Variants in FNDC3B observed in about 807,000 individuals in gnomAD.
FNDC3B encodes the protein fibronectin type III domain-containing protein 3B.
FNDC3B carries 12 observed loss-of-function variants against 151.5 expected under a neutral mutation model. That is an observed-to-expected ratio of 0.08 (90% CI 0.05 to 0.13). FNDC3B has a LOEUF of 0.13. FNDC3B is among the 10% of genes least tolerant of loss of function. FNDC3B has a pLI of 1.00. For synonymous variants in FNDC3B, 528 were observed against 549.0 expected, an observed-to-expected ratio of 0.96 and a Z score of 0.54; for missense variants, 1,214 against 1,505.3, an observed-to-expected ratio of 0.81 and a Z score of 3.20.
intron 1 of FNDC3B, among the ~76,000 whole-genome samples, chr3:172,103,542 A>T (rs1322588080): frequency 3.3e-5 from 5 of 152,078 alleles, no homozygotes; most frequent in Non-Finnish European, 5.9e-5. Context: ...GCATCTATGG[A>T]TTCTTGAAGG....
chr3:172,197,745 C>T (rs1040034675), intron 3 of FNDC3B, among the ~76,000 whole-genome samples: 1 of 152,162 alleles, frequency 6.6e-6, no homozygotes, highest in Admixed American at 6.5e-5. Flanking sequence ...ATGATTAGAT[C>T]CAGGTTATCC....
At chr3:172,225,272 C>T (rs1726501090) in intron 3 of FNDC3B, among the ~76,000 whole-genome samples, 1 of 152,166 alleles carries the variant, frequency 6.6e-6, no homozygotes, top group Non-Finnish European at 1.5e-5. Flanking sequence ...CTCCTGGGCT[C>T]AAGCCATCCT....
chr3:172,215,334 A>G (rs887210257), intron 3 of FNDC3B, among the ~76,000 whole-genome samples: 1 of 152,214 alleles, frequency 6.6e-6, no homozygotes, highest in East Asian at 1.9e-4. Flanking sequence ...GGGTACATGG[A>G]GGAAGAGTAG....
At chr3:172,121,485 G>T (rs1720542644) in intron 2 of FNDC3B, among the ~76,000 whole-genome samples, 1 of 152,148 alleles carries the variant, frequency 6.6e-6, no homozygotes, top group Non-Finnish European at 1.5e-5. Flanking sequence ...ATTCACTAAA[G>T]CATAGACAGG....
intron 3 of FNDC3B, among the ~76,000 whole-genome samples, chr3:172,163,660 A>AT (rs1722883777): frequency 6.6e-6 from 1 of 151,596 alleles, no homozygotes; most frequent in African/African-American, 2.4e-5. Flanking sequence ...CTGTTCGTTC[A>AT]TTTTTTTTCT....
At chr3:172,049,561 C>T (rs1178844637) in intron 1 of FNDC3B, among the ~76,000 whole-genome samples, 1 of 152,068 alleles carries the variant, frequency 6.6e-6, no homozygotes, top group Admixed American at 6.6e-5. Flanking sequence ...GAATTTCGCT[C>T]TTATTGTCCA....
At chr3:172,049,428 A>G (rs1307379987) in intron 1 of FNDC3B, among the ~76,000 whole-genome samples, 2 of 152,252 alleles carry the variant, frequency 1.3e-5, no homozygotes, top group Admixed American at 6.5e-5. Flanking sequence ...ATGTAAGCAC[A>G]TGAAGATAAT....
chr3:172,291,053 G>GTAC (rs1730301774), intron 7 of FNDC3B, among the ~76,000 whole-genome samples: 1 of 152,098 alleles, frequency 6.6e-6, no homozygotes, highest in South Asian at 2.1e-4. Flanking sequence ...TCTGATCCAA[G>GTAC]TACTATCATT....
At chr3:172,178,732 A>G (rs1263260454) in intron 3 of FNDC3B, among the ~76,000 whole-genome samples, 1 of 152,140 alleles carries the variant, frequency 6.6e-6, no homozygotes, top group Non-Finnish European at 1.5e-5. Context: ...GTGATGGTAA[A>G]GGTGATAAAA....
At chr3:172,084,332 G>T (rs10936711) in intron 1 of FNDC3B, among the ~76,000 whole-genome samples, 97,389 of 151,780 alleles carry the variant, frequency 0.64, 31,412 homozygotes, top group East Asian at 0.78. Context: ...ACGCTTGTAG[G>T]CCCAGCTATT....
intron 1 of FNDC3B, among the ~76,000 whole-genome samples, chr3:172,088,822 A>T (rs778115703): frequency 6.6e-6 from 1 of 152,238 alleles, no homozygotes; most frequent in Non-Finnish European, 1.5e-5. Context: ...TGATTTTATG[A>T]TTACTTGTGT....
At chr3:172,120,699 C>A (rs113316203) in intron 2 of FNDC3B, among the ~76,000 whole-genome samples, 3,980 of 151,954 alleles carry the variant, frequency 0.026, 162 homozygotes, top group African/African-American at 0.09. Context: ...ATTGGAAAAA[C>A]CAGAAGACAT....
chr3:172,171,005 C>G (rs1204924280), intron 3 of FNDC3B, among the ~76,000 whole-genome samples: 1 of 152,114 alleles, frequency 6.6e-6, no homozygotes, highest in Non-Finnish European at 1.5e-5. Flanking sequence ...AGGACTTTGC[C>G]AGGGGCTGCA....
At chr3:172,219,483 A>G (rs1329577898) in intron 3 of FNDC3B, among the ~76,000 whole-genome samples, 1 of 152,226 alleles carries the variant, frequency 6.6e-6, no homozygotes, top group Non-Finnish European at 1.5e-5. Flanking sequence ...GGTGAAATGC[A>G]TAAAACATAA....
intron 3 of FNDC3B, among the ~76,000 whole-genome samples, chr3:172,198,995 A>G (rs1724990960): frequency 6.6e-6 from 1 of 150,582 alleles, no homozygotes; most frequent in Admixed American, 6.6e-5. Context: ...CCTGGGTGAT[A>G]TTTAAATTTT....
intron 3 of FNDC3B, among the ~76,000 whole-genome samples, chr3:172,138,241 C>T (rs187398332): frequency 1.3e-5 from 2 of 152,306 alleles, no homozygotes; most frequent in Admixed American, 1.3e-4. Flanking sequence ...TAAACCTTTC[C>T]TTAGCTCTCG....
chr3:172,275,830 T>C (rs1729407290), intron 6 of FNDC3B, among the ~76,000 whole-genome samples: 1 of 152,178 alleles, frequency 6.6e-6, no homozygotes, highest in East Asian at 1.9e-4. Flanking sequence ...TCTGGTTTTT[T>C]TTTTAAAGGG....
chr3:172,190,309 T>C (rs894460628), intron 3 of FNDC3B, among the ~76,000 whole-genome samples: 5 of 152,220 alleles, frequency 3.3e-5, no homozygotes, highest in Admixed American at 2.0e-4. Flanking sequence ...GTCCTGTCAC[T>C]GATGTTTAAA....
At chr3:172,190,131 T>C (rs1284536708) in intron 3 of FNDC3B, among the ~76,000 whole-genome samples, 1 of 152,180 alleles carries the variant, frequency 6.6e-6, no homozygotes, top group Non-Finnish European at 1.5e-5. Context: ...GCTAGAATGC[T>C]TCCTCTCTTG....
Sources: gnomAD v4.1 joint callset for allele counts (sites outside exome capture counted in the v4.1 genomes callset) on GRCh38, gnomAD v4.1.1 for gene constraint, MANE v1.5 for transcripts, NCBI Gene and HGNC (gene_info 2026-07-23, HGNC 2026-07-21) for gene names.